Variants in HPSE2 observed in about 807,000 individuals in gnomAD.
HPSE2 encodes heparanase 2 (inactive).
HPSE2 carries 38 observed loss-of-function variants against 60.5 expected under a neutral mutation model. That is an observed-to-expected ratio of 0.63 (90% CI 0.48 to 0.82). The LOEUF is 0.82. Ranked by LOEUF, HPSE2 falls within the 40% of genes least tolerant of loss-of-function variation. The pLI is 0.00. For synonymous variants in HPSE2, 295 were observed against 293.2 expected (o/e 1.01, Z -0.06); for missense variants, 713 against 740.4 (o/e 0.96, Z 0.43).
In HPSE2 at chr10:98,937,527, C is replaced by T. The variant is rs1413042712; in HGVS notation, c.611-193471G>A. Among the ~76,000 whole-genome samples, 3 of 144,394 alleles carry T rather than the reference C, an allele frequency of 2.1e-5. 1 individual carries two copies. Among genetic ancestry groups the T allele is most frequent in the Non-Finnish European group, 4.5e-5 (3 of 67,208 alleles). The allele number at this position is 144,394 out of a possible 152,430, so 94.7% of individuals were successfully genotyped here. A position where few individuals can be genotyped will look rare whatever the true frequency, so the allele number is the denominator to read the frequency against. The stretch of plus-strand genomic sequence containing the variant: ...ATCAAACTGCAAGGCAGCAGCCAGG[C>T]TGGGGGAGGGGTGCCCACCATTGCC... On this transcript the variant is annotated intron_variant, in intron 3 of 11. Transcript: ENST00000370552.
chr10:99,177,805 C>T (rs930962994), intron 2 of HPSE2, among the ~76,000 whole-genome samples: 5 of 152,108 alleles, frequency 3.3e-5, no homozygotes, highest in Non-Finnish European at 5.9e-5. Context: ...CGCCCCAAAT[C>T]GACAGATTAT....
At chr10:98,938,176 G>C (rs1237562483) in intron 3 of HPSE2, among the ~76,000 whole-genome samples, 2 of 144,632 alleles carry the variant, frequency 1.4e-5, no homozygotes, top group Non-Finnish European at 3.0e-5. Flanking sequence ...CTAAAAAGCA[G>C]AGCACCTCTC....
chr10:98,781,306 T>TTTTTTTG (rs66481971), intron 3 of HPSE2, among the ~76,000 whole-genome samples: 5 of 120,088 alleles, frequency 4.2e-5, no homozygotes, highest in East Asian at 2.4e-4. Context: ...TTTTTTTTTT[T>TTTTTTTG]ATTTTTAAAT....
chr10:98,809,201 C>G (rs998105988), intron 3 of HPSE2, among the ~76,000 whole-genome samples: 1 of 152,004 alleles, frequency 6.6e-6, no homozygotes, highest in Non-Finnish European at 1.5e-5. Flanking sequence ...TAAGACATAA[C>G]AATGTCTATT....
chr10:98,976,746 A>AG (rs1469777669), intron 3 of HPSE2, among the ~76,000 whole-genome samples: 1 of 152,138 alleles, frequency 6.6e-6, no homozygotes, highest in East Asian at 1.9e-4. Flanking sequence ...GAAAAAAAAA[A>AG]AAAGTCATTC....
intron 3 of HPSE2, among the ~76,000 whole-genome samples, chr10:98,837,901 T>C (rs866233271): frequency 6.6e-6 from 1 of 150,600 alleles, no homozygotes; most frequent in African/African-American, 2.4e-5. Flanking sequence ...CCTCCAAGTA[T>C]ATCTGTGCGG....
chr10:99,114,087 T>C (rs1282725023), intron 3 of HPSE2, among the ~76,000 whole-genome samples: 3 of 114,162 alleles, frequency 2.6e-5, no homozygotes, highest in Admixed American at 8.3e-5. Context: ...TTAGGAAAAA[T>C]TTCCACTCCA....
chr10:98,658,759 CA>C (rs1377948761), intron 6 of HPSE2, among the ~76,000 whole-genome samples: 2 of 151,960 alleles, frequency 1.3e-5, no homozygotes, highest in African/African-American at 4.8e-5. Context: ...AAAGAGTGAC[CA>C]TATTACTTAT....
At chr10:98,932,711 G>GT (rs1954674649) in intron 3 of HPSE2, among the ~76,000 whole-genome samples, 1 of 142,532 alleles carries the variant, frequency 7.0e-6, no homozygotes, top group Admixed American at 7.0e-5. Context: ...TTGGGAGGGT[G>GT]TATGTGTCCA....
At chr10:99,176,282 G>A (rs886201042) in intron 2 of HPSE2, among the ~76,000 whole-genome samples, 1 of 152,124 alleles carries the variant, frequency 6.6e-6, no homozygotes, top group South Asian at 2.1e-4. Context: ...TTGACAAACT[G>A]ACAGAAGTAA....
chr10:98,992,665 A>G (rs1301095158), intron 3 of HPSE2, among the ~76,000 whole-genome samples: 1 of 152,218 alleles, frequency 6.6e-6, no homozygotes, highest in Non-Finnish European at 1.5e-5. Context: ...TATATACAAA[A>G]AATAGCAGAA....
At chr10:99,057,370 A>G (rs1958138285) in intron 3 of HPSE2, among the ~76,000 whole-genome samples, 1 of 152,170 alleles carries the variant, frequency 6.6e-6, no homozygotes. Context: ...GCTAAAATGA[A>G]AGATTCTAAA....
chr10:98,928,641 A>G (rs1954550596), intron 3 of HPSE2, among the ~76,000 whole-genome samples: 1 of 130,404 alleles, frequency 7.7e-6, no homozygotes, highest in African/African-American at 3.4e-5. Context: ...CATATACACC[A>G]TGGAATACTA....
intron 5 of HPSE2, among the ~76,000 whole-genome samples, chr10:98,703,828 A>G (rs1162887044): frequency 6.6e-6 from 1 of 152,228 alleles, no homozygotes; most frequent in Non-Finnish European, 1.5e-5. Flanking sequence ...AATGGGCAAA[A>G]GCTGGAAGCA....
intron 9 of HPSE2, among the ~76,000 whole-genome samples, chr10:98,506,284 T>C (rs1942197473): frequency 1.3e-5 from 2 of 152,124 alleles, no homozygotes; most frequent in South Asian, 2.1e-4. Flanking sequence ...GAGGAGAAAA[T>C]GTGAAAACCT....
chr10:98,588,409 C>G (rs1944996539), intron 9 of HPSE2, among the ~76,000 whole-genome samples: 1 of 152,094 alleles, frequency 6.6e-6, no homozygotes, highest in Non-Finnish European at 1.5e-5. Flanking sequence ...TGCGGGGAGA[C>G]TTTACCAACC....
intron 3 of HPSE2, among the ~76,000 whole-genome samples, chr10:99,140,661 T>C (rs1448182152): frequency 1.3e-5 from 2 of 152,276 alleles, no homozygotes; most frequent in African/African-American, 4.8e-5. Flanking sequence ...AATTTATACC[T>C]CAAGGGGAGG....
chr10:98,539,502 C>T (rs905631797), intron 9 of HPSE2, among the ~76,000 whole-genome samples: 24 of 152,120 alleles, frequency 1.6e-4, no homozygotes, highest in Non-Finnish European at 2.5e-4. Context: ...GGCTGGGCGA[C>T]AGAGCGAGAC....
chr10:98,779,343 A>C (rs1950414693), intron 3 of HPSE2, among the ~76,000 whole-genome samples: 1 of 152,172 alleles, frequency 6.6e-6, no homozygotes, highest in Non-Finnish European at 1.5e-5. Flanking sequence ...CCACACACTG[A>C]AATGGACACT....
Sources: gnomAD v4.1 joint callset for allele counts (sites outside exome capture counted in the v4.1 genomes callset) on GRCh38, gnomAD v4.1.1 for gene constraint, MANE v1.5 for transcripts, NCBI Gene and HGNC (gene_info 2026-07-23, HGNC 2026-07-21) for gene names.